CLEC12A: variants seen among roughly 807,000 people sequenced by gnomAD.
The protein encoded by CLEC12A is C-type lectin protein CLL-1.
In CLEC12A, 22 loss-of-function variants were observed where a neutral mutation model predicts 26.5. That is an observed-to-expected ratio of 0.83 (90% CI 0.59 to 1.19). The LOEUF is 1.19. Among genes scored for constraint, CLEC12A ranks in the 50% most tolerant of loss-of-function variants. CLEC12A has a pLI of 0.00. For synonymous variants in CLEC12A, 119 were observed against 101.9 expected, an observed-to-expected ratio of 1.17 and a Z score of -1.01; for missense variants, 353 against 315.6, an observed-to-expected ratio of 1.12 and a Z score of -0.90.
intron 1 of CLEC12A, among the ~76,000 whole-genome samples, chr12:9,954,926 G>A (rs1436866378): frequency 6.6e-6 from 1 of 152,142 alleles, no homozygotes; most frequent in African/African-American, 2.4e-5. Flanking sequence ...ATATTTAAAG[G>A]TGTCAGGGTT....
intron 1 of CLEC12A, among the ~76,000 whole-genome samples, chr12:9,973,828 A>T (rs592206): frequency 6.6e-6 from 1 of 151,616 alleles, no homozygotes; most frequent in Non-Finnish European, 1.5e-5. Flanking sequence ...CTCCTGTGTC[A>T]TTATTCTCTC....
At chr12:9,991,174 A>G (rs1332032085) in intron 4 of CLEC12A, 1 of 152,178 alleles carries the variant, frequency 6.6e-6, no homozygotes, top group Non-Finnish European at 1.5e-5. Flanking sequence ...TTTAAATTGA[A>G]GAAGACAGAA....
intron 1 of CLEC12A, among the ~76,000 whole-genome samples, chr12:9,966,169 T>C (rs1353231645): frequency 6.6e-6 from 1 of 152,146 alleles, no homozygotes; most frequent in East Asian, 1.9e-4. Flanking sequence ...CTTACAACAG[T>C]TATGAAGGCA....
downstream of CLEC12A, among the ~76,000 whole-genome samples, chr12:9,989,902 A>G (rs910308510): frequency 4.6e-5 from 7 of 152,172 alleles, no homozygotes; most frequent in African/African-American, 1.7e-4. Flanking sequence ...CAAACGTCCT[A>G]GGGACCTTAA....
Position 9,985,098 on chromosome 12 carries a change from C to T in CLEC12A, c.*72C>T. ...GGCTATAGGTAAATTTAAATATTTT[C>T]TGGTTGACAATTAGTTGAGTTTGTC... On this transcript the variant is annotated 3_prime_UTR_variant, in exon 6 of 6. Coordinates refer to ENST00000304361, the MANE Select transcript of CLEC12A (RefSeq NM_138337.6). The T allele has an allele frequency of 7.7e-7, 1 of 1,299,708 alleles. No individual in the cohort carries two copies. The highest frequency in any genetic ancestry group is 9.8e-7 in the Non-Finnish European group (1 of 1,024,794). The allele number at this position is 1,299,708 out of a possible 1,614,324, so 80.5% of individuals were successfully genotyped here. A position where few individuals can be genotyped will look rare whatever the true frequency, so the allele number is the denominator to read the frequency against.
intron 1 of CLEC12A, chr12:9,951,769 C>G (rs898254325): frequency 4.3e-6 from 1 of 231,294 alleles, no homozygotes; most frequent in African/African-American, 2.3e-5. Context: ...GAGTGCAGAC[C>G]GCTTGGGTGT....
intron 1 of CLEC12A, among the ~76,000 whole-genome samples, chr12:9,960,308 C>T (rs1475514150): frequency 1.3e-5 from 2 of 152,152 alleles, no homozygotes; most frequent in African/African-American, 4.8e-5. Context: ...TCTCTTTAAA[C>T]CCACAGCTTT....
intron 1 of CLEC12A, among the ~76,000 whole-genome samples, chr12:9,963,481 G>A (rs1454091733): frequency 6.8e-6 from 1 of 146,590 alleles, no homozygotes; most frequent in Non-Finnish European, 1.5e-5. Flanking sequence ...GAGAGGCTAT[G>A]GAAGGTCGTG....
At chr12:9,999,857 CTTCAT>C (rs1458174072), downstream of CLEC12A, among the ~76,000 whole-genome samples, 4 of 152,294 alleles carry the variant, frequency 2.6e-5, no homozygotes, top group East Asian at 7.7e-4. Flanking sequence ...GATGAAATCA[CTTCAT>C]TTCAAGTACA....
chr12:9,959,480 A>G (rs1403448444), intron 1 of CLEC12A, among the ~76,000 whole-genome samples: 2 of 151,544 alleles, frequency 1.3e-5, no homozygotes, highest in African/African-American at 4.8e-5. Context: ...AGAAAGAAAT[A>G]TTAACCTTAC....
At chr12:10,003,273 G>A in the CLEC12A span, among the ~76,000 whole-genome samples, 1 of 152,230 alleles carries the variant, frequency 6.6e-6, no homozygotes, top group African/African-American at 2.4e-5. Flanking sequence ...TTAAACATGT[G>A]GATTTCAAAG....
rs1334850813 is a variant in CLEC12A, at chr12:9,980,485, C to T, written c.380-97C>T. On this transcript the variant is annotated intron_variant, in intron 3 of 5. Transcript: ENST00000304361. ...AGAAAGAAAAAGAAAGAAGAATAAA[C>T]AGCAAATGTGATCAATGTCACACAG... 5 of 1,156,296 alleles carry T rather than the reference C, an allele frequency of 4.3e-6. No individual in the cohort carries two copies. In the Admixed American group the frequency reaches 7.2e-5, roughly 17 times the overall value. 71.6% of individuals were successfully genotyped at this position (1,156,296 alleles called of 1,614,324 possible). A position where few individuals can be genotyped will look rare whatever the true frequency, so the allele number is the denominator to read the frequency against.
At chr12:10,002,014 G>A in the CLEC12A span, among the ~76,000 whole-genome samples, 1 of 151,674 alleles carries the variant, frequency 6.6e-6, no homozygotes, top group African/African-American at 2.4e-5. Context: ...CGAGTAGCTG[G>A]GAGTACAGGC....
At chr12:9,971,745 T>C (rs1864136383) in intron 1 of CLEC12A, 58 bp downstream of exon 1, 8 of 1,432,484 alleles carry the variant, frequency 5.6e-6, no homozygotes, top group Non-Finnish European at 6.7e-6. Context: ...GGTTATAGAC[T>C]TGCATCTTCA....
chr12:9,986,347 A>G (rs1372187134), downstream of CLEC12A, among the ~76,000 whole-genome samples: 3 of 119,130 alleles, frequency 2.5e-5, no homozygotes, highest in African/African-American at 1.0e-4. Flanking sequence ...CTCCACTGAA[A>G]AAAAAAAAAA....
intron 1 of CLEC12A, among the ~76,000 whole-genome samples, chr12:9,973,539 C>T (rs894941053): frequency 6.6e-6 from 1 of 152,070 alleles, no homozygotes; most frequent in African/African-American, 2.4e-5. Context: ...GAATATCCAC[C>T]CAGTCTGCCC....
intron 1 of CLEC12A, among the ~76,000 whole-genome samples, chr12:9,975,734 G>A (rs1190099376): frequency 1.3e-5 from 2 of 152,172 alleles, no homozygotes; most frequent in East Asian, 3.8e-4. Flanking sequence ...AGGCAATGGG[G>A]AAAATGACTC....
downstream of CLEC12A, among the ~76,000 whole-genome samples, chr12:9,996,027 A>G (rs1865037264): frequency 6.6e-6 from 1 of 152,210 alleles, no homozygotes; most frequent in Admixed American, 6.5e-5. Context: ...CCAAATGCTT[A>G]TATATTCTGA....
intron 1 of CLEC12A, among the ~76,000 whole-genome samples, chr12:9,955,145 G>A (rs1392140850): frequency 3.3e-5 from 5 of 152,176 alleles, no homozygotes; most frequent in African/African-American, 9.7e-5. Context: ...GGAGTGCAGT[G>A]GCCCGATCTC....
Sources: gnomAD v4.1 joint callset for allele counts (sites outside exome capture counted in the v4.1 genomes callset) on GRCh38, gnomAD v4.1.1 for gene constraint, MANE v1.5 for transcripts, NCBI Gene and HGNC (gene_info 2026-07-23, HGNC 2026-07-21) for gene names.